Variants in TTC39C observed in about 807,000 individuals in gnomAD.
TTC39C encodes tetratricopeptide repeat protein 39C.
Under a neutral mutation model 76.3 loss-of-function variants are expected in TTC39C, and 33 were observed. The observed-to-expected ratio is 0.43, with a 90% confidence interval of 0.33 to 0.58. The LOEUF (loss-of-function observed/expected upper bound fraction) is 0.58. TTC39C is among the 20% of genes least tolerant of loss of function. The probability of loss-of-function intolerance (pLI) is 0.04; values close to 1 mark genes in which losing one functional copy is unlikely to be tolerated. For synonymous variants in TTC39C, 254 were observed against 260.6 expected, an observed-to-expected ratio of 0.97 and a Z score of 0.24; for missense variants, 595 against 701.4, an observed-to-expected ratio of 0.85 and a Z score of 1.71.
intron 10 of TTC39C, among the ~76,000 whole-genome samples, chr18:24,127,654 C>T (rs1298340059): frequency 1.3e-5 from 2 of 152,058 alleles, no homozygotes; most frequent in African/African-American, 2.4e-5. Flanking sequence ...GTAGCTGGGA[C>T]TACAGGGGGC....
chr18:24,014,574 C>T (rs903510323), upstream of TTC39C: 5 of 247,138 alleles, frequency 2.0e-5, no homozygotes, highest in African/African-American at 9.1e-5. Flanking sequence ...AAACGGATTC[C>T]GCTTCGGGGC....
rs575919406 is a variant in TTC39C at position 24,044,797 on chromosome 18, A to G, written c.168-19343A>G. On this transcript the variant is annotated intron_variant, in intron 1 of 13. Coordinates refer to ENST00000317571, the MANE Select transcript of TTC39C (RefSeq NM_001135993.2). ...TAGGAAGATATTAGCAGTGTCTTCT[A>G]ATATTTGTTTTCGGAAAGATTTATG... Among the ~76,000 whole-genome samples, 28 of 152,338 alleles carry G rather than the reference A, an allele frequency of 1.8e-4. No homozygotes were observed. In the South Asian group the frequency reaches 5.2e-3, roughly 28 times the overall value.
intron 6 of TTC39C, among the ~76,000 whole-genome samples, chr18:24,100,632 GT>G (rs2084662730): frequency 6.6e-6 from 1 of 152,214 alleles, no homozygotes; most frequent in Admixed American, 6.5e-5. Context: ...CCGAGCTTCA[GT>G]TTTTAGTGTG....
intron 1 of TTC39C, among the ~76,000 whole-genome samples, chr18:24,051,092 G>A (rs7245141): frequency 0.029 from 4,486 of 152,088 alleles, 243 homozygotes; most frequent in African/African-American, 0.1. Context: ...CTTAGAGAGC[G>A]GCTCATTAAT....
intron 1 of TTC39C, among the ~76,000 whole-genome samples, chr18:24,008,675 T>C (rs548275236): frequency 6.6e-6 from 1 of 152,314 alleles, no homozygotes; most frequent in South Asian, 2.1e-4. Flanking sequence ...GCATTCCCAT[T>C]ATTGGGTATA....
intron 6 of TTC39C, among the ~76,000 whole-genome samples, chr18:24,090,822 T>C (rs1284888830): frequency 7.1e-6 from 1 of 140,686 alleles, no homozygotes; most frequent in Non-Finnish European, 1.5e-5. Flanking sequence ...TTTTTTTTTT[T>C]TGGAGACAGA....
At chr18:24,006,297 C>A (rs947965895) in intron 1 of TTC39C, 5 of 152,142 alleles carry the variant, frequency 3.3e-5, no homozygotes, top group African/African-American at 1.2e-4. Flanking sequence ...AGCCACCATG[C>A]TCAGCCCAAA....
intron 1 of TTC39C, among the ~76,000 whole-genome samples, chr18:24,005,028 C>T (rs547923219): frequency 6.3e-4 from 96 of 152,276 alleles, no homozygotes; most frequent in African/African-American, 1.9e-3. Context: ...AGGAATGGTA[C>T]GACTTTCAGG....
At chr18:24,068,313 G>A (rs1234706723) in intron 3 of TTC39C, among the ~76,000 whole-genome samples, 2 of 152,144 alleles carry the variant, frequency 1.3e-5, no homozygotes, top group East Asian at 3.9e-4. Flanking sequence ...GCTGGGGCTA[G>A]GTTTGAAACA....
intron 1 of TTC39C, among the ~76,000 whole-genome samples, chr18:24,045,641 C>T (rs9966449): frequency 1.9e-4 from 29 of 151,856 alleles, no homozygotes; most frequent in African/African-American, 7.0e-4. Flanking sequence ...TACACAGGTG[C>T]TCAAAAAATG....
intron 13 of TTC39C, among the ~76,000 whole-genome samples, 168 bp downstream of exon 13, chr18:24,132,088 A>C (rs915184967): frequency 6.6e-6 from 1 of 152,254 alleles, no homozygotes; most frequent in Non-Finnish European, 1.5e-5. Context: ...TTTAAGGGAC[A>C]TTACAAGATC....
chr18:24,079,690 T>C (rs898125074), intron 4 of TTC39C, among the ~76,000 whole-genome samples: 1 of 152,246 alleles, frequency 6.6e-6, no homozygotes, highest in Non-Finnish European at 1.5e-5. Context: ...AATGACTTTT[T>C]TGATAATAAA....
At chr18:24,102,012 C>A (rs2084682303) in intron 6 of TTC39C, among the ~76,000 whole-genome samples, 1 of 152,206 alleles carries the variant, frequency 6.6e-6, no homozygotes, top group Admixed American at 6.5e-5. Context: ...CCCAGCCCAG[C>A]TTTCTGAGCC....
At chr18:24,111,914 TATATA>T (rs1305158580) in intron 6 of TTC39C, among the ~76,000 whole-genome samples, 4 of 104,428 alleles carry the variant, frequency 3.8e-5, no homozygotes, top group South Asian at 3.8e-4. Flanking sequence ...AAAATATATA[TATATA>T]TATATTTTTT....
At chr18:24,063,265 G>A (rs997059448) in intron 1 of TTC39C, among the ~76,000 whole-genome samples, 1 of 152,202 alleles carries the variant, frequency 6.6e-6, no homozygotes, top group Non-Finnish European at 1.5e-5. Context: ...GATTACAAGG[G>A]GGGAATGGCT....
At chr18:24,017,284 A>G (rs1383480573) in intron 1 of TTC39C, among the ~76,000 whole-genome samples, 2 of 152,186 alleles carry the variant, frequency 1.3e-5, no homozygotes, top group East Asian at 3.8e-4. Flanking sequence ...TACAGGTGTG[A>G]TCATGGACCA....
rs2084137429 is a variant in TTC39C, at chr18:24,064,212, T to G, written c.216+24T>G. 5 of 1,612,718 alleles carry G rather than the reference T, an allele frequency of 3.1e-6. No individual in the cohort carries two copies. In the East Asian group the frequency reaches 1.1e-4, roughly 36 times the overall value. ...TGGTAAGTTGATATCTTAAGACCTA[T>G]TGGCATGAAGGAAACAATTATATAA... On this transcript the variant is annotated intron_variant, in intron 2 of 13. Coordinates refer to ENST00000317571, the MANE Select transcript of TTC39C (RefSeq NM_001135993.2).
intron 6 of TTC39C, among the ~76,000 whole-genome samples, chr18:24,092,921 A>G (rs1321392296): frequency 7.2e-5 from 11 of 152,182 alleles, no homozygotes; most frequent in Non-Finnish European, 1.6e-4. Context: ...CCATTTCTAC[A>G]AAAAATTAGC....
At chr18:24,105,028 A>T (rs1030691459) in intron 6 of TTC39C, among the ~76,000 whole-genome samples, 1 of 152,092 alleles carries the variant, frequency 6.6e-6, no homozygotes, top group Non-Finnish European at 1.5e-5. Flanking sequence ...AAACTTCTGT[A>T]TTGTAAAAAT....
Sources: allele counts gnomAD v4.1 joint callset (sites outside exome capture counted in the v4.1 genomes callset), GRCh38; gene constraint gnomAD v4.1.1; transcripts MANE v1.5; gene names NCBI Gene and HGNC (gene_info 2026-07-23, HGNC 2026-07-21).